The following GALNTL6 variants were observed in gnomAD, a reference collection of about 807,000 sequenced individuals.
GALNTL6 encodes polypeptide N-acetylgalactosaminyltransferase like 6, also known as polypeptide N-acetylgalactosaminyltransferase-like 6.
A neutral mutation model predicts 73.7 loss-of-function variants in GALNTL6; 46 were observed. The ratio of observed to expected loss-of-function variants is 0.62; its 90% CI spans 0.49 to 0.80. The LOEUF is 0.80. GALNTL6 is among the 30% of genes least tolerant of loss of function. GALNTL6 has a pLI of 0.00. For missense variants in GALNTL6, 604 were observed against 755.0 expected, an observed-to-expected ratio of 0.80 and a Z score of 2.34; for synonymous variants, 259 against 263.7, an observed-to-expected ratio of 0.98 and a Z score of 0.17.
intron 5 of GALNTL6, among the ~76,000 whole-genome samples, chr4:172,523,497 T>C (rs1268677206): frequency 6.6e-6 from 1 of 152,106 alleles, no homozygotes; most frequent in Non-Finnish European, 1.5e-5. Flanking sequence ...CCTGAGTAGC[T>C]GGAACTACAG....
intron 2 of GALNTL6, among the ~76,000 whole-genome samples, chr4:171,824,358 G>GTTCCATTA (rs1734771046): frequency 6.6e-6 from 1 of 151,946 alleles, no homozygotes; most frequent in Non-Finnish European, 1.5e-5. Context: ...GTTAGTTCCA[G>GTTCCATTA]TTCCATTATT....
chr4:172,305,145 A>G (rs2111130645), intron 3 of GALNTL6, among the ~76,000 whole-genome samples: 2 of 152,302 alleles, frequency 1.3e-5, no homozygotes, highest in African/African-American at 4.8e-5. Flanking sequence ...CAATCAATAA[A>G]CATATCAAAA....
chr4:172,760,198 G>T (rs893415054), intron 5 of GALNTL6, among the ~76,000 whole-genome samples: 3 of 152,146 alleles, frequency 2.0e-5, no homozygotes, highest in African/African-American at 7.2e-5. Context: ...CAACCACCCA[G>T]TGAACTCTGT....
intron 7 of GALNTL6, among the ~76,000 whole-genome samples, chr4:172,858,351 T>G (rs1427752855): frequency 2.0e-5 from 3 of 152,112 alleles, no homozygotes; most frequent in Non-Finnish European, 4.4e-5. Context: ...CCTGCAAAAA[T>G]GTAAGATCTG....
chr4:172,890,272 ATTAT>A (rs747336005), intron 8 of GALNTL6, among the ~76,000 whole-genome samples: 5 of 151,508 alleles, frequency 3.3e-5, no homozygotes, highest in Non-Finnish European at 5.9e-5. Context: ...CTCTGATTTC[ATTAT>A]TTATTTTTTT....
chr4:172,804,689 C>T (rs1241302488), intron 5 of GALNTL6, among the ~76,000 whole-genome samples: 1 of 152,148 alleles, frequency 6.6e-6, no homozygotes, highest in Non-Finnish European at 1.5e-5. Context: ...GGGAACAATC[C>T]CTCAAAGCTT....
intron 4 of GALNTL6, among the ~76,000 whole-genome samples, chr4:172,316,901 G>A (rs1200775532): frequency 1.3e-5 from 2 of 152,056 alleles, no homozygotes; most frequent in Non-Finnish European, 2.9e-5. Context: ...ACTGATCTCC[G>A]CAGGCAAGCA....
intron 5 of GALNTL6, among the ~76,000 whole-genome samples, chr4:172,785,372 C>G (rs1048606055): frequency 4.6e-5 from 7 of 151,778 alleles, no homozygotes; most frequent in African/African-American, 1.7e-4. Context: ...ATTTATTCAG[C>G]CTAAATAAGA....
chr4:172,548,456 G>A (rs968655066), intron 5 of GALNTL6, among the ~76,000 whole-genome samples: 2 of 152,174 alleles, frequency 1.3e-5, no homozygotes, highest in African/African-American at 2.4e-5. Context: ...CATTGTCAAT[G>A]TTAACAAATG....
At chr4:172,132,356 T>C (rs1190318351) in intron 2 of GALNTL6, among the ~76,000 whole-genome samples, 1 of 152,170 alleles carries the variant, frequency 6.6e-6, no homozygotes, top group Non-Finnish European at 1.5e-5. Context: ...AATTTTGTAT[T>C]TCCAATGTGA....
chr4:171,818,856 A>G (rs1297011858), intron 2 of GALNTL6, among the ~76,000 whole-genome samples: 1 of 152,050 alleles, frequency 6.6e-6, no homozygotes, highest in Non-Finnish European at 1.5e-5. Flanking sequence ...TAATTCATCT[A>G]ATGTTAATCA....
At chr4:172,665,889 G>A (rs1731634932) in intron 5 of GALNTL6, among the ~76,000 whole-genome samples, 2 of 152,022 alleles carry the variant, frequency 1.3e-5, no homozygotes, top group South Asian at 2.1e-4. Context: ...AAATTAAATA[G>A]TGCCTGTACC....
At chr4:171,846,839 A>G (rs1735384106) in intron 2 of GALNTL6, among the ~76,000 whole-genome samples, 1 of 147,240 alleles carries the variant, frequency 6.8e-6, no homozygotes, top group African/African-American at 2.5e-5. Flanking sequence ...TAGATACATA[A>G]ATATATTTAT....
chr4:172,795,067 C>T (rs550941126), intron 5 of GALNTL6, among the ~76,000 whole-genome samples: 1 of 152,176 alleles, frequency 6.6e-6, no homozygotes, highest in African/African-American at 2.4e-5. Flanking sequence ...AACTCCTTCA[C>T]AAAATCCCTC....
chr4:172,766,134 C>G (rs930314517), intron 5 of GALNTL6, among the ~76,000 whole-genome samples: 2 of 152,170 alleles, frequency 1.3e-5, no homozygotes, highest in African/African-American at 4.8e-5. Context: ...TCCAATTCCT[C>G]TGTTGCCTCT....
intron 2 of GALNTL6, among the ~76,000 whole-genome samples, chr4:172,081,134 T>C (rs562593151): frequency 6.6e-6 from 1 of 152,146 alleles, no homozygotes; most frequent in East Asian, 1.9e-4. Context: ...TGAGAAAAAA[T>C]AGATATATAG....
At chr4:171,853,599 C>CTTTTTTTTTTTTTTTTT (rs35078885) in intron 2 of GALNTL6, among the ~76,000 whole-genome samples, 1 of 35,310 alleles carries the variant, frequency 2.8e-5, no homozygotes, top group Non-Finnish European at 5.4e-5. Context: ...TTTAGCCACT[C>CTTTTTTTTTTTTTTTTT]TTTTTTTTTT....
chr4:172,751,761 G>T (rs1213094291), intron 5 of GALNTL6, among the ~76,000 whole-genome samples: 1 of 152,192 alleles, frequency 6.6e-6, no homozygotes, highest in African/African-American at 2.4e-5. Flanking sequence ...GGTGTTTCTT[G>T]AAAGACTGCA....
intron 5 of GALNTL6, among the ~76,000 whole-genome samples, chr4:172,713,661 C>A (rs1734865943): frequency 6.6e-6 from 1 of 152,122 alleles, no homozygotes; most frequent in Non-Finnish European, 1.5e-5. Context: ...AATATGGTCA[C>A]TGAATCATAG....
Sources: allele counts gnomAD v4.1 joint callset (sites outside exome capture counted in the v4.1 genomes callset), GRCh38; gene constraint gnomAD v4.1.1; transcripts MANE v1.5; gene names NCBI Gene and HGNC (gene_info 2026-07-23, HGNC 2026-07-21).